Variants in DNAH11 observed in about 807,000 individuals in gnomAD.
DNAH11 encodes dynein axonemal heavy chain 11, also known as axonemal beta dynein heavy chain 11.
A neutral mutation model predicts 526.0 loss-of-function variants in DNAH11; 442 were observed. That is an observed-to-expected ratio of 0.84 (90% CI 0.78 to 0.91). The LOEUF is 0.91. DNAH11 is among the 40% of genes least tolerant of loss of function. The pLI, the probability that DNAH11 is intolerant of heterozygous loss-of-function variation, is 0.00. For synonymous variants in DNAH11, 2,461 were observed against 1,935.9 expected (o/e 1.27, Z -7.12); for missense variants, 6,989 against 5,448.7 (o/e 1.28, Z -8.90).
chr7:21,728,541 G>C (rs867145833), intron 45 of DNAH11, among the ~76,000 whole-genome samples: 1 of 152,044 alleles, frequency 6.6e-6, no homozygotes, highest in Non-Finnish European at 1.5e-5. Flanking sequence ...TTACAGGCAT[G>C]AGCCGCCACG....
intron 77 of DNAH11, among the ~76,000 whole-genome samples, chr7:21,894,147 C>T (rs963594502): frequency 1.3e-5 from 2 of 152,222 alleles, no homozygotes; most frequent in African/African-American, 4.8e-5. Flanking sequence ...TCCTGGCCTC[C>T]CAAAGTGCTG....
At chr7:21,726,013 T>C in intron 45 of DNAH11, 29 bp downstream of exon 45, 1 of 1,505,024 alleles carries the variant, frequency 6.6e-7, no homozygotes, top group South Asian at 1.3e-5. Flanking sequence ...GCAATTGTAT[T>C]AGTCTGTTTT....
At chr7:21,875,054 A>C (rs2128039653) in intron 74 of DNAH11, among the ~76,000 whole-genome samples, 1 of 152,354 alleles carries the variant, frequency 6.6e-6, no homozygotes, top group Admixed American at 6.5e-5. Context: ...CTAAGAATAC[A>C]GTGTTGAAGA....
At chr7:21,548,657 A>C (rs1484158660) in intron 2 of DNAH11, among the ~76,000 whole-genome samples, 1 of 152,164 alleles carries the variant, frequency 6.6e-6, no homozygotes, top group Non-Finnish European at 1.5e-5. Flanking sequence ...CTTTTCCCAC[A>C]ATACCACCAG....
intron 59 of DNAH11, 79 bp from the exon 60 acceptor site, chr7:21,787,322 A>G: frequency 6.9e-7 from 1 of 1,447,650 alleles, no homozygotes; most frequent in South Asian, 1.4e-5. Flanking sequence ...GAGTCCTAAA[A>G]GCTGATTTTA....
At chr7:21,779,581 G>A (rs1304659268) in intron 57 of DNAH11, among the ~76,000 whole-genome samples, 3 of 152,188 alleles carry the variant, frequency 2.0e-5, no homozygotes, top group East Asian at 1.9e-4. Flanking sequence ...TGATTCGATC[G>A]AGGCCCTGGC....
intron 44 of DNAH11, among the ~76,000 whole-genome samples, chr7:21,725,275 T>C (rs1345539766): frequency 6.6e-6 from 1 of 152,198 alleles, no homozygotes; most frequent in East Asian, 1.9e-4. Context: ...TTCCCAGATT[T>C]AGAATTCCAG....
At chr7:21,621,105 G>C (rs1786031868) in intron 25 of DNAH11, among the ~76,000 whole-genome samples, 2 of 152,202 alleles carry the variant, frequency 1.3e-5, no homozygotes, top group African/African-American at 2.4e-5. Flanking sequence ...GGGTCAAATG[G>C]TATTTCTAGT....
intron 65 of DNAH11, among the ~76,000 whole-genome samples, chr7:21,842,291 T>A (rs1782233420): frequency 6.6e-6 from 1 of 152,216 alleles, no homozygotes; most frequent in African/African-American, 2.4e-5. Context: ...TGTATTTAAT[T>A]GTTACAGTGA....
intron 22 of DNAH11, among the ~76,000 whole-genome samples, chr7:21,617,161 G>C (rs545587039): frequency 6.6e-6 from 1 of 152,260 alleles, no homozygotes; most frequent in African/African-American, 2.4e-5. Context: ...GACCTATTTG[G>C]CATTTTAAGA....
intron 45 of DNAH11, among the ~76,000 whole-genome samples, 179 bp from the exon 46 acceptor site, chr7:21,735,461 T>C (rs1785561371): frequency 6.6e-6 from 1 of 152,206 alleles, no homozygotes; most frequent in Non-Finnish European, 1.5e-5. Context: ...ACTCTAACCA[T>C]TCAAAATTGA....
At chr7:21,642,198 A>G (rs909778647) in intron 28 of DNAH11, among the ~76,000 whole-genome samples, 1 of 152,216 alleles carries the variant, frequency 6.6e-6, no homozygotes, top group Non-Finnish European at 1.5e-5. Flanking sequence ...TACACTACAT[A>G]AATTTTGAAC....
chr7:21,614,156 A>T (rs958962275), intron 20 of DNAH11, among the ~76,000 whole-genome samples: 2 of 152,238 alleles, frequency 1.3e-5, no homozygotes, highest in African/African-American at 4.8e-5. Context: ...TTGAAGGTTG[A>T]TGGAACATAA....
In DNAH11 at chr7:21,724,672, A is replaced by T. The variant is rs2965420; in HGVS notation, c.7267-1139A>T. Among the ~76,000 whole-genome samples the T allele has an allele frequency of 1.3e-5, 2 of 149,706 alleles. 1 individual carries two copies. The highest frequency in any genetic ancestry group is 4.9e-5 in the African/African-American group (2 of 40,602). On this transcript the variant is annotated intron_variant, in intron 44 of 81. Coordinates refer to ENST00000409508, the MANE Select transcript of DNAH11 (RefSeq NM_001277115.2). Reference sequence around the variant, plus strand: ...CGCTGAGCCAGGTCATCCTATGAATATAGGAAACACTGGGCCAGGTCATCT... The same window carrying T: ...CGCTGAGCCAGGTCATCCTATGAATTTAGGAAACACTGGGCCAGGTCATCT...
In DNAH11 at chr7:21,617,641, A is replaced by C. The variant is rs768019472; in HGVS notation, c.4118A>C (p.Glu1373Ala). ...FAKEIWSLNKEVRVWDAYTGL... is the reference protein window; with the variant it reads ...FAKEIWSLNKAVRVWDAYTGL... Reference sequence around the variant, plus strand: ...TAGGAAATTTGGTCACTCAACAAGGAAGTCCGCGTCTGGGATGCTTACACG... The same window carrying C: ...TAGGAAATTTGGTCACTCAACAAGGCAGTCCGCGTCTGGGATGCTTACACG... Residue 1373 changes from glutamate (E) to alanine (A), a missense_variant, in exon 23 of 82, where the codon GAA (glutamate) becomes GCA (alanine). Physicochemically the swap from Glu to Ala is moderately radical, Grantham distance 107 (BLOSUM62 -1). Coordinates refer to ENST00000409508, the MANE Select transcript of DNAH11 (RefSeq NM_001277115.2). 6.2e-7 allele frequency: 1 copy of C among 1,613,738 alleles called. No individual in the cohort carries two copies. Among genetic ancestry groups the C allele is most frequent in the Non-Finnish European group, 8.5e-7 (1 of 1,179,836 alleles).
chr7:21,603,348 T>G (rs1052038022), intron 18 of DNAH11, among the ~76,000 whole-genome samples: 20 of 152,358 alleles, frequency 1.3e-4, no homozygotes, highest in African/African-American at 4.6e-4. Flanking sequence ...TTTGGGCTAT[T>G]GTCAGTAGTG....
intron 28 of DNAH11, among the ~76,000 whole-genome samples, chr7:21,649,163 G>A (rs1270005518): frequency 1.3e-5 from 2 of 152,208 alleles, no homozygotes; most frequent in Non-Finnish European, 2.9e-5. Flanking sequence ...AGGATGTGGA[G>A]TAATGGGAAT....
chr7:21,747,229 G>T (rs902036095), intron 51 of DNAH11, among the ~76,000 whole-genome samples: 1 of 152,160 alleles, frequency 6.6e-6, no homozygotes, highest in Admixed American at 6.5e-5. Context: ...GTTTTGTTGT[G>T]TGGTCATGTG....
At chr7:21,707,912 G>A (rs972768895) in intron 40 of DNAH11, 77 bp downstream of exon 40, 2 of 1,451,054 alleles carry the variant, frequency 1.4e-6, no homozygotes, top group African/African-American at 1.4e-5. Flanking sequence ...GCCAATTTTA[G>A]TCATAGTCGC....
Sources: gnomAD v4.1 joint callset for allele counts (sites outside exome capture counted in the v4.1 genomes callset) on GRCh38, gnomAD v4.1.1 for gene constraint, MANE v1.5 for transcripts, NCBI Gene and HGNC (gene_info 2026-07-23, HGNC 2026-07-21) for gene names.